The following FLI1 variants were observed in gnomAD, a reference collection of about 807,000 sequenced individuals.
FLI1 encodes Fli-1 proto-oncogene, ETS transcription factor.
Under a neutral mutation model 53.1 loss-of-function variants are expected in FLI1, and 13 were observed. The ratio of observed to expected loss-of-function variants is 0.24; its 90% CI spans 0.16 to 0.39. FLI1 has a LOEUF of 0.39. FLI1 is among the 10% of genes least tolerant of loss of function. FLI1 has a pLI of 1.00. For missense variants in FLI1, 424 were observed against 600.5 expected (o/e 0.71, Z 3.07); for synonymous variants, 244 against 236.7 (o/e 1.03, Z -0.28).
intron 1 of FLI1, among the ~76,000 whole-genome samples, chr11:128,705,525 C>G (rs1294927193): frequency 6.6e-6 from 1 of 152,130 alleles, no homozygotes; most frequent in African/African-American, 2.4e-5. Flanking sequence ...AAACTATACA[C>G]AATTTTTTTT....
At chr11:128,729,272 G>T (rs911264898) in intron 1 of FLI1, among the ~76,000 whole-genome samples, 3 of 152,210 alleles carry the variant, frequency 2.0e-5, no homozygotes, top group Non-Finnish European at 2.9e-5. Context: ...AACCATGTTC[G>T]CATTTCAAGT....
At chr11:128,706,973 T>C (rs988266976) in intron 1 of FLI1, among the ~76,000 whole-genome samples, 1 of 152,220 alleles carries the variant, frequency 6.6e-6, no homozygotes, top group Non-Finnish European at 1.5e-5. Context: ...ATTGTTATCA[T>C]GTCTAGTTGA....
intron 1 of FLI1, among the ~76,000 whole-genome samples, chr11:128,742,564 A>G (rs552251135): frequency 6.6e-6 from 1 of 152,344 alleles, no homozygotes; most frequent in South Asian, 2.1e-4. Context: ...ATTCAAATGA[A>G]CTAAAGTTGA....
intron 5 of FLI1, among the ~76,000 whole-genome samples, chr11:128,788,968 G>C (rs1354721747): frequency 1.3e-5 from 2 of 152,178 alleles, no homozygotes; most frequent in Non-Finnish European, 1.5e-5. Flanking sequence ...GTGCTTTAGA[G>C]TGAGGGCAAT....
intron 2 of FLI1, among the ~76,000 whole-genome samples, chr11:128,758,836 T>A (rs537417964): frequency 6.6e-6 from 1 of 152,234 alleles, no homozygotes; most frequent in South Asian, 2.1e-4. Flanking sequence ...AAGGCGTGCA[T>A]GAAGTGGGTA....
At chr11:128,743,231 TA>T (rs1364725124) in intron 1 of FLI1, among the ~76,000 whole-genome samples, 1 of 151,682 alleles carries the variant, frequency 6.6e-6, no homozygotes, top group Non-Finnish European at 1.5e-5. Flanking sequence ...CTACAAAAAA[TA>T]AAGAATAAAA....
chr11:128,745,139 T>A (rs577940077), intron 1 of FLI1, among the ~76,000 whole-genome samples: 1 of 151,850 alleles, frequency 6.6e-6, no homozygotes, highest in East Asian at 1.9e-4. Context: ...GAGAAAGAGG[T>A]GGGGGAGTCT....
At chr11:128,716,233 C>T (rs1251619479) in intron 1 of FLI1, among the ~76,000 whole-genome samples, 2 of 152,080 alleles carry the variant, frequency 1.3e-5, no homozygotes, top group South Asian at 4.1e-4. Flanking sequence ...AAATTCTGGA[C>T]CTCCTTCTCT....
chr11:128,689,145 C>G (rs183985579), upstream of FLI1, among the ~76,000 whole-genome samples: 1 of 152,240 alleles, frequency 6.6e-6, no homozygotes, highest in East Asian at 1.9e-4. Flanking sequence ...GCCCTCAGAG[C>G]TAGTAAGTGT....
At chr11:128,749,903 G>C (rs2135792015) in intron 1 of FLI1, among the ~76,000 whole-genome samples, 1 of 152,320 alleles carries the variant, frequency 6.6e-6, no homozygotes, top group Middle Eastern at 3.4e-3. Context: ...GCGGCCACCT[G>C]CTCTTGGCAC....
At chr11:128,775,040 A>G (rs989636425) in intron 4 of FLI1, among the ~76,000 whole-genome samples, 8 of 152,234 alleles carry the variant, frequency 5.3e-5, no homozygotes, top group Non-Finnish European at 8.8e-5. Flanking sequence ...CCCCCAAATC[A>G]ATAAAAATAT....
intron 5 of FLI1, among the ~76,000 whole-genome samples, chr11:128,784,705 C>CT (rs139342079): frequency 0.031 from 4,743 of 152,304 alleles, 231 homozygotes; most frequent in African/African-American, 0.11. Context: ...TCTATCCTCC[C>CT]TGCCTCCTCC....
chr11:128,809,050 C>T (rs1942863979), intron 7 of FLI1, 107 bp from the exon 8 acceptor site: 1 of 818,972 alleles, frequency 1.2e-6, no homozygotes, highest in South Asian at 1.8e-5. Context: ...TCAGTCTTTC[C>T]TGTGATCTTG....
intron 2 of FLI1, among the ~76,000 whole-genome samples, chr11:128,760,001 A>G (rs1028006508): frequency 2.6e-5 from 4 of 152,148 alleles, no homozygotes; most frequent in African/African-American, 4.8e-5. Flanking sequence ...TTTCAACCCT[A>G]CTAACCAAAA....
At chr11:128,802,648 C>T (rs1942666729) in intron 5 of FLI1, among the ~76,000 whole-genome samples, 1 of 152,242 alleles carries the variant, frequency 6.6e-6, no homozygotes. Flanking sequence ...GTCCTGTTAG[C>T]CAAGCTTCTG....
chr11:128,774,687 C>T (rs552266898), intron 4 of FLI1, among the ~76,000 whole-genome samples: 213 of 152,298 alleles, frequency 1.4e-3, no homozygotes, highest in African/African-American at 4.8e-3. Context: ...CCCAGTGCTT[C>T]GAGACTCTTC....
intron 2 of FLI1, among the ~76,000 whole-genome samples, chr11:128,762,016 C>A (rs1472933321): frequency 6.6e-6 from 1 of 152,172 alleles, no homozygotes; most frequent in Non-Finnish European, 1.5e-5. Flanking sequence ...CAGCACCCCA[C>A]AAATATTCCC....
intron 4 of FLI1, among the ~76,000 whole-genome samples, chr11:128,775,360 T>TAA (rs113899386): frequency 1.4e-5 from 2 of 145,800 alleles, no homozygotes; most frequent in African/African-American, 5.1e-5. Context: ...CGTGTTAAAT[T>TAA]AAAAAAAAAA....
intron 1 of FLI1, among the ~76,000 whole-genome samples, chr11:128,757,601 C>T (rs971338679): frequency 6.6e-6 from 1 of 152,242 alleles, no homozygotes; most frequent in East Asian, 1.9e-4. Flanking sequence ...ATGGGCACCA[C>T]CCTTCCCTTG....
Sources: allele counts gnomAD v4.1 joint callset (sites outside exome capture counted in the v4.1 genomes callset), GRCh38; gene constraint gnomAD v4.1.1; transcripts MANE v1.5; gene names NCBI Gene and HGNC (gene_info 2026-07-23, HGNC 2026-07-21).